SPIRE1: variants seen among roughly 807,000 people sequenced by gnomAD.
The protein encoded by SPIRE1 is spire type actin nucleation factor 1.
In SPIRE1, 40 loss-of-function variants were observed where a neutral mutation model predicts 94.1. That is an observed-to-expected ratio of 0.43 (90% CI 0.33 to 0.55). The LOEUF (loss-of-function observed/expected upper bound fraction) is 0.55. Ranked by LOEUF, SPIRE1 falls within the 20% of genes least tolerant of loss-of-function variation. The pLI, the probability that SPIRE1 is intolerant of heterozygous loss-of-function variation, is 0.06. For synonymous variants in SPIRE1, 376 were observed against 371.7 expected (o/e 1.01, Z -0.13); for missense variants, 838 against 975.2 (o/e 0.86, Z 1.87).
intron 2 of SPIRE1, among the ~76,000 whole-genome samples, chr18:12,604,848 C>T (rs2036929315): frequency 6.6e-6 from 1 of 152,138 alleles, no homozygotes; most frequent in Non-Finnish European, 1.5e-5. Flanking sequence ...GTAGAAGCAA[C>T]CAGTTGTCCA....
intron 8 of SPIRE1, among the ~76,000 whole-genome samples, chr18:12,488,049 C>T (rs1043832763): frequency 6.6e-6 from 1 of 152,174 alleles, no homozygotes; most frequent in African/African-American, 2.4e-5. Flanking sequence ...GGCCATTCTT[C>T]CCTTCCTCTC....
chr18:12,508,710 G>T (rs1453499929), intron 5 of SPIRE1, among the ~76,000 whole-genome samples: 6 of 141,732 alleles, frequency 4.2e-5, no homozygotes, highest in African/African-American at 1.6e-4. Context: ...TCTTGCTCTT[G>T]TCGCCCCATG....
chr18:12,648,890 CAAAAAAAAAAAAAA>C (rs56696562), intron 1 of SPIRE1, among the ~76,000 whole-genome samples: 1 of 85,522 alleles, frequency 1.2e-5, no homozygotes, highest in Non-Finnish European at 2.2e-5. Context: ...AACTCCGTCT[CAAAAAAAAAAAAAA>C]AAAAAAAGAA....
chr18:12,513,190 T>C (rs544366), intron 4 of SPIRE1, among the ~76,000 whole-genome samples: 9,630 of 152,218 alleles, frequency 0.063, 453 homozygotes, highest in African/African-American at 0.12. Context: ...ATCAAGTAAT[T>C]TGATGAGTAC....
intron 1 of SPIRE1, among the ~76,000 whole-genome samples, chr18:12,643,508 G>C (rs1220999302): frequency 6.6e-6 from 1 of 152,162 alleles, no homozygotes; most frequent in Admixed American, 6.5e-5. Flanking sequence ...TGTGGCATCT[G>C]AGTATGAGAC....
At chr18:12,544,150 G>T (rs2035085767) in intron 3 of SPIRE1, among the ~76,000 whole-genome samples, 1 of 150,974 alleles carries the variant, frequency 6.6e-6, no homozygotes, top group South Asian at 2.1e-4. Context: ...GTAGTCTTCA[G>T]TTTTCCTTCA....
intron 5 of SPIRE1, among the ~76,000 whole-genome samples, chr18:12,509,529 A>G (rs1286509481): frequency 2.6e-5 from 4 of 152,174 alleles, no homozygotes; most frequent in Non-Finnish European, 5.9e-5. Flanking sequence ...TTATTCTAAA[A>G]TGACAAATAA....
chr18:12,506,034 T>C (rs1326833115), intron 6 of SPIRE1, among the ~76,000 whole-genome samples: 1 of 152,196 alleles, frequency 6.6e-6, no homozygotes, highest in African/African-American at 2.4e-5. Flanking sequence ...TAATGTACTT[T>C]CCAAATTTTC....
intron 2 of SPIRE1, among the ~76,000 whole-genome samples, chr18:12,630,665 A>G (rs1202176560): frequency 6.6e-6 from 1 of 152,196 alleles, no homozygotes; most frequent in Non-Finnish European, 1.5e-5. Context: ...TCAAAAAATA[A>G]TAATAATTTT....
chr18:12,583,495 G>A (rs1220558930), intron 2 of SPIRE1, among the ~76,000 whole-genome samples: 8 of 152,072 alleles, frequency 5.3e-5, no homozygotes, highest in African/African-American at 7.3e-5. Context: ...CCAGCTACTC[G>A]GGAGGCTGAC....
chr18:12,581,296 T>C (rs773069015), intron 2 of SPIRE1, among the ~76,000 whole-genome samples: 1 of 152,196 alleles, frequency 6.6e-6, no homozygotes, highest in Non-Finnish European at 1.5e-5. Flanking sequence ...CAAAATATTA[T>C]TACTATAGGA....
intron 3 of SPIRE1, among the ~76,000 whole-genome samples, chr18:12,536,852 T>A (rs1314846609): frequency 2.0e-5 from 3 of 152,242 alleles, no homozygotes; most frequent in Non-Finnish European, 4.4e-5. Context: ...TTAAAGTACT[T>A]CATTTGCACT....
At chr18:12,565,301 C>T (rs952655937) in intron 2 of SPIRE1, among the ~76,000 whole-genome samples, 18 of 152,262 alleles carry the variant, frequency 1.2e-4, no homozygotes, top group African/African-American at 4.1e-4. Context: ...AAGAGAAAAA[C>T]CTGCATCAAC....
chr18:12,460,080 A>C (rs1223004726), intron 12 of SPIRE1, among the ~76,000 whole-genome samples: 1 of 152,266 alleles, frequency 6.6e-6, no homozygotes, highest in Non-Finnish European at 1.5e-5. Context: ...CCGTGCGAAC[A>C]TCTGCATCCA....
intron 1 of SPIRE1, among the ~76,000 whole-genome samples, chr18:12,637,046 C>T (rs1447522708): frequency 6.6e-6 from 1 of 152,158 alleles, no homozygotes; most frequent in Non-Finnish European, 1.5e-5. Context: ...CAAACTGTAA[C>T]AGAGAGTAGC....
At chr18:12,641,374 C>T (rs1396693904) in intron 1 of SPIRE1, among the ~76,000 whole-genome samples, 4 of 143,744 alleles carry the variant, frequency 2.8e-5, no homozygotes, top group African/African-American at 5.1e-5. Context: ...TTCTTTTTTT[C>T]TTTTTTTTTT....
intron 16 of SPIRE1, among the ~76,000 whole-genome samples, chr18:12,451,527 C>T (rs1301659034): frequency 6.6e-6 from 1 of 152,196 alleles, no homozygotes; most frequent in East Asian, 1.9e-4. Flanking sequence ...CTTGAGCTCA[C>T]TGAAAATTCA....
At chr18:12,453,494 C>T (rs1256106692) in intron 13 of SPIRE1, among the ~76,000 whole-genome samples, 1 of 149,576 alleles carries the variant, frequency 6.7e-6, no homozygotes, top group South Asian at 2.1e-4. Flanking sequence ...AGTGCAATGG[C>T]ATGATCTTGG....
rs1376904490 is a variant in SPIRE1, at chr18:12,447,812, G to A, written c.*1826C>T. ...TTTTAAAAAGCACATTCTCCTAGGT[G>A]CATATTTATATACATATACAAATAC... On this transcript the variant is annotated 3_prime_UTR_variant, in exon 17 of 17. Transcript: ENST00000409402. The A allele has an allele frequency of 1.3e-5, 2 of 152,132 alleles. No homozygotes were observed. Among genetic ancestry groups the A allele is most frequent in the Non-Finnish European group, 2.9e-5 (2 of 68,022 alleles). 9.4% of individuals were successfully genotyped at this position (152,132 alleles called of 1,614,324 possible).
Sources: gnomAD v4.1 joint callset for allele counts (sites outside exome capture counted in the v4.1 genomes callset) on GRCh38, gnomAD v4.1.1 for gene constraint, MANE v1.5 for transcripts, NCBI Gene and HGNC (gene_info 2026-07-23, HGNC 2026-07-21) for gene names.